Variants in C2CD3 observed in about 807,000 individuals in gnomAD.
C2CD3 encodes the protein C2 domain containing 3 centriole elongation regulator.
In C2CD3, 148 loss-of-function variants were observed where a neutral mutation model predicts 234.0. The ratio of observed to expected loss-of-function variants is 0.63; its 90% CI spans 0.55 to 0.72. The LOEUF is 0.72. Ranked by LOEUF, C2CD3 falls within the 30% of genes least tolerant of loss-of-function variation. C2CD3 has a pLI of 0.00. For synonymous variants in C2CD3, 1,000 were observed against 1,035.4 expected, an observed-to-expected ratio of 0.97 and a Z score of 0.66; for missense variants, 2,577 against 2,811.5, an observed-to-expected ratio of 0.92 and a Z score of 1.89.
intron 24 of C2CD3, among the ~76,000 whole-genome samples, chr11:74,072,223 A>G (rs943046610): frequency 6.6e-6 from 1 of 152,198 alleles, no homozygotes; most frequent in Non-Finnish European, 1.5e-5. Flanking sequence ...GTCCTGATAT[A>G]GAATGTTTCA....
At chr11:74,081,620 TCATCAC>T (rs1302148270) in intron 22 of C2CD3, among the ~76,000 whole-genome samples, 1 of 149,300 alleles carries the variant, frequency 6.7e-6, no homozygotes, top group Non-Finnish European at 1.5e-5. Flanking sequence ...ATCATCATCA[TCATCAC>T]CATCATCATC....
At position 74,033,597 on chromosome 11, in the gene C2CD3, G is replaced by A. The variant is rs975773925; in HGVS notation, c.6563C>T (p.Thr2188Met). 5.2e-6 allele frequency: 8 copies of A among 1,536,018 alleles called. No individual in the cohort carries two copies. The Admixed American group carries it at 5.9e-5, about 11-fold the overall frequency. The change falls in exon 31 of 33, where the codon ACG becomes ATG. Residue 2188 changes from threonine to methionine, a missense_variant. Physicochemically the swap from Thr to Met is moderately conservative, Grantham distance 81. Coordinates refer to ENST00000334126, the MANE Select transcript of C2CD3 (RefSeq NM_001286577.2). ...CTGTGGTGAGCTCCATCCAACAAAC[G>A]TGCTGCTCTGTTGAGCTCCTGAGAG... ...PTLSGAQQSS[T>M]FVGWSSPQTD...
At chr11:74,132,515 CAAA>C (rs977859675) in intron 7 of C2CD3, among the ~76,000 whole-genome samples, 44 of 152,184 alleles carry the variant, frequency 2.9e-4, no homozygotes, top group African/African-American at 7.2e-4. Flanking sequence ...CTTAAGGCCA[CAAA>C]GCTAATTAGA....
intron 24 of C2CD3, among the ~76,000 whole-genome samples, chr11:74,072,716 C>G (rs201288732): frequency 2.6e-5 from 4 of 151,062 alleles, no homozygotes; most frequent in Non-Finnish European, 5.9e-5. Context: ...TTTGTCTGTC[C>G]TTTTTTTTTA....
intron 7 of C2CD3, among the ~76,000 whole-genome samples, chr11:74,124,100 G>A (rs1957318157): frequency 6.6e-6 from 1 of 151,984 alleles, no homozygotes; most frequent in Admixed American, 6.6e-5. Flanking sequence ...GGCTCCTTGA[G>A]GGCAAAGTAT....
At chr11:74,149,933 C>A (rs1855483558) in intron 3 of C2CD3, among the ~76,000 whole-genome samples, 1 of 152,094 alleles carries the variant, frequency 6.6e-6, no homozygotes, top group African/African-American at 2.4e-5. Context: ...TTTCATTCAA[C>A]ATTCTGGAGG....
intron 24 of C2CD3, among the ~76,000 whole-genome samples, chr11:74,061,155 G>C (rs143614903): frequency 0.021 from 3,267 of 152,286 alleles, 67 homozygotes; most frequent in African/African-American, 0.046. Flanking sequence ...TCTGACTGCT[G>C]TACCTGAAAG....
intron 24 of C2CD3, chr11:74,070,983 A>C (rs1440240209): frequency 6.6e-6 from 1 of 152,124 alleles, no homozygotes; most frequent in Non-Finnish European, 1.5e-5. Context: ...CCCCATTAGC[A>C]AAAAAATGCC....
chr11:74,127,783 A>C (rs1957461961), intron 7 of C2CD3, among the ~76,000 whole-genome samples: 1 of 151,844 alleles, frequency 6.6e-6, no homozygotes, highest in Non-Finnish European at 1.5e-5. Context: ...AGACTATTTG[A>C]CTTTAGTGGG....
chr11:74,061,445 A>G (rs908695077), intron 24 of C2CD3, among the ~76,000 whole-genome samples: 1 of 152,244 alleles, frequency 6.6e-6, no homozygotes, highest in Non-Finnish European at 1.5e-5. Flanking sequence ...AAACTCTACA[A>G]GCCAGAAGAG....
At chr11:74,146,457 T>G (rs1032952675) in intron 3 of C2CD3, among the ~76,000 whole-genome samples, 1 of 152,100 alleles carries the variant, frequency 6.6e-6, no homozygotes, top group African/African-American at 2.4e-5. Flanking sequence ...ATGAGAACTT[T>G]TATGTAAGGG....
At chr11:74,065,740 A>C (rs565703676) in intron 24 of C2CD3, among the ~76,000 whole-genome samples, 1 of 151,832 alleles carries the variant, frequency 6.6e-6, no homozygotes, top group East Asian at 1.9e-4. Context: ...GCCATAAAAA[A>C]GGATGAGTTC....
At chr11:74,121,369 G>T (rs1957208786) in intron 8 of C2CD3, among the ~76,000 whole-genome samples, 1 of 152,146 alleles carries the variant, frequency 6.6e-6, no homozygotes, top group Admixed American at 6.5e-5. Flanking sequence ...CACTTTGGGA[G>T]GCTGAGGTGC....
intron 8 of C2CD3, 88 bp from the exon 9 acceptor site, chr11:74,118,470 T>C: frequency 2.1e-6 from 2 of 939,938 alleles, no homozygotes. Flanking sequence ...AGCAAGTTCT[T>C]CTCTGTACAT....
intron 15 of C2CD3, among the ~76,000 whole-genome samples, chr11:74,099,134 T>A (rs1400884695): frequency 1.3e-5 from 2 of 152,014 alleles, no homozygotes; most frequent in African/African-American, 4.8e-5. Flanking sequence ...CAAACTAACA[T>A]CATAATTTAA....
At chr11:74,151,519 G>C (rs1043299015) in intron 3 of C2CD3, among the ~76,000 whole-genome samples, 2 of 151,784 alleles carry the variant, frequency 1.3e-5, no homozygotes, top group Non-Finnish European at 2.9e-5. Flanking sequence ...TAGAGATGGA[G>C]TTTTGCCATG....
chr11:74,054,399 A>C (rs573626868), intron 26 of C2CD3, among the ~76,000 whole-genome samples: 1 of 151,986 alleles, frequency 6.6e-6, no homozygotes, highest in Admixed American at 6.5e-5. Flanking sequence ...CTTGTTCAAA[A>C]AAAAAAATTT....
intron 29 of C2CD3, among the ~76,000 whole-genome samples, chr11:74,040,272 C>T (rs1952964601): frequency 6.6e-6 from 1 of 152,080 alleles, no homozygotes; most frequent in African/African-American, 2.4e-5. Flanking sequence ...ATCTGGAAAC[C>T]ACCCCCCACC....
rs149057779 is a variant in C2CD3 at position 74,043,585 on chromosome 11, T to A, written c.5496-1367A>T. ...CCAATGCACCTGCAGTGTTTTACTA[T>A]CCCACCGGCAATGTATAAGGGTTCC... On this transcript the variant is annotated intron_variant, in intron 28 of 32. Transcript: ENST00000334126. Among the ~76,000 whole-genome samples the A allele has an allele frequency of 1.5e-4, 23 of 152,228 alleles. No individual in the cohort carries two copies. The East Asian group carries it at 4.2e-3, about 28-fold the overall frequency.
Sources: allele counts gnomAD v4.1 joint callset (sites outside exome capture counted in the v4.1 genomes callset), GRCh38; gene constraint gnomAD v4.1.1; transcripts MANE v1.5; gene names NCBI Gene and HGNC (gene_info 2026-07-23, HGNC 2026-07-21).